Variants in PPEF1 observed in about 807,000 individuals in gnomAD.
The protein encoded by PPEF1 is serine/threonine-protein phosphatase with EF-hands 1.
A neutral mutation model predicts 53.3 loss-of-function variants in PPEF1; 12 were observed. The observed-to-expected ratio is 0.23, with a 90% CI of 0.14 to 0.36. PPEF1 has a LOEUF of 0.36. Among genes scored for constraint, PPEF1 ranks in the 10% least tolerant of loss-of-function variants. The pLI, the probability that PPEF1 is intolerant of heterozygous loss-of-function variation, is 1.00. For synonymous variants in PPEF1, 165 were observed against 176.7 expected, an observed-to-expected ratio of 0.93 and a Z score of 0.52; for missense variants, 334 against 490.4, an observed-to-expected ratio of 0.68 and a Z score of 3.01.
chrX:18,747,451 A>C (rs926311970), intron 3 of PPEF1, among the ~76,000 whole-genome samples: 3 of 112,072 alleles, frequency 2.7e-5, no homozygotes, highest in Middle Eastern at 4.6e-3. Flanking sequence ...GACTTTCTAA[A>C]TCAGGCATGC....
At chrX:18,755,134 A>G (rs944993252) in intron 4 of PPEF1, among the ~76,000 whole-genome samples, 1 of 112,031 alleles carries the variant, frequency 8.9e-6, no homozygotes, top group Admixed American at 9.5e-5. Context: ...GACTTTATAA[A>G]AATGAAAAGA....
chrX:18,817,068 ATGTG>A (rs72334387), intron 12 of PPEF1, among the ~76,000 whole-genome samples: 92 of 100,092 alleles, frequency 9.2e-4, no homozygotes, highest in South Asian at 5.4e-3. Flanking sequence ...TCATTTTGCC[ATGTG>A]TGTGTGTGTG....
At position 18,748,808 on chromosome X, in the gene PPEF1, G is replaced by A. The variant is rs190711434; in HGVS notation, c.236-984G>A. The stretch of plus-strand genomic sequence containing the variant: ...GGTAGTGGCATTGTTCCTAAAGAGT[G>A]CATGAAAGCATACAAGGCCTCCAGA... On this transcript the variant is annotated intron_variant, in intron 3 of 15. Coordinates refer to ENST00000470157, the MANE Select transcript of PPEF1 (RefSeq NM_001377996.1). 9.8e-5 allele frequency among the ~76,000 whole-genome samples: 11 copies of A among 111,719 alleles called. No homozygotes were observed. In the East Asian group the frequency reaches 2.8e-3, roughly 29 times the overall value.
intron 1 of PPEF1, among the ~76,000 whole-genome samples, chrX:18,683,947 AT>A (rs1040287202): frequency 8.9e-6 from 1 of 112,212 alleles, no homozygotes; most frequent in African/African-American, 3.2e-5. Context: ...AAAATCCCTC[AT>A]TTTTAATGCT....
chrX:18,699,088 T>A (rs1034908433), intron 5 of PPEF1, among the ~76,000 whole-genome samples: 8 of 110,814 alleles, frequency 7.2e-5, no homozygotes, highest in African/African-American at 9.8e-5. Flanking sequence ...TTGTCCACTA[T>A]TTTTTTTGGA....
intron 10 of PPEF1, among the ~76,000 whole-genome samples, chrX:18,797,043 C>T (rs762863362): frequency 1.8e-4 from 20 of 111,167 alleles, no homozygotes; most frequent in African/African-American, 6.2e-4. Flanking sequence ...AATAGAGATA[C>T]AGCATCTTGC....
chrX:18,742,581 A>G (rs1040969838), intron 3 of PPEF1, among the ~76,000 whole-genome samples: 1 of 111,375 alleles, frequency 9.0e-6, no homozygotes, highest in African/African-American at 3.3e-5. Flanking sequence ...CCTCTCGGCC[A>G]GGTGCAGTAA....
intron 6 of PPEF1, among the ~76,000 whole-genome samples, chrX:18,764,158 GA>G (rs1487172213): frequency 1.8e-5 from 2 of 111,250 alleles, no homozygotes; most frequent in South Asian, 3.8e-4. Context: ...CAGGGCAAGG[GA>G]TGCCCTGGGG....
Position 18,817,068 on chromosome X carries a change from A to ATATGTGTGTGTGTG in PPEF1, c.1395-970_1395-969insATGTGTGTGTGTGT, listed in dbSNP as rs1491253769. ...CTGGATTTACATCTATCATTTTGCC[A>ATATGTGTGTGTGTG]TGTGTGTGTGTGTGTGTGTGTGTGT... On this transcript the variant is annotated intron_variant, in intron 12 of 15. Coordinates refer to ENST00000470157, the MANE Select transcript of PPEF1 (RefSeq NM_001377996.1). 2.7e-3 allele frequency among the ~76,000 whole-genome samples: 267 copies of ATATGTGTGTGTGTG among 100,109 alleles called. 2 individuals are homozygous for ATATGTGTGTGTGTG. The highest frequency in any genetic ancestry group is 5.0e-3 in the Middle Eastern group (1 of 201). 86.9% of individuals were successfully genotyped at this position (100,109 alleles called of 115,157 possible).
chrX:18,724,524 G>A (rs6633130), intron 1 of PPEF1, among the ~76,000 whole-genome samples: 7,612 of 111,976 alleles, frequency 0.068, 654 homozygotes, highest in African/African-American at 0.23. Flanking sequence ...GCCACAGAAA[G>A]TTGGCCAGGT....
chrX:18,808,661 C>T (rs975826601), intron 12 of PPEF1, among the ~76,000 whole-genome samples: 1 of 110,811 alleles, frequency 9.0e-6, no homozygotes. Flanking sequence ...AGATGCTCAA[C>T]GTCACTAATT....
chrX:18,678,035 C>T (rs936040973), upstream of PPEF1, among the ~76,000 whole-genome samples: 14 of 101,422 alleles, frequency 1.4e-4, no homozygotes, highest in Admixed American at 5.6e-4. Context: ...GGGAGTGAGG[C>T]GGGCAGAATC....
rs887774129 is a variant in PPEF1 at position 18,722,283 on chromosome X, A to T, written c.47-7898A>T. Among the ~76,000 whole-genome samples, 10 of 112,337 alleles carry T rather than the reference A, an allele frequency of 8.9e-5. No individual in the cohort carries two copies. In the East Asian group the frequency reaches 2.8e-3, roughly 32 times the overall value. On this transcript the variant is annotated intron_variant, in intron 1 of 15. Coordinates refer to ENST00000470157, the MANE Select transcript of PPEF1 (RefSeq NM_001377996.1). Reference sequence around the variant, plus strand: ...TTCGCTTAAAGCCTTTTGCTATTAGAGGATTCATTTTCTTTCCAGTTCATT... The same window carrying T: ...TTCGCTTAAAGCCTTTTGCTATTAGTGGATTCATTTTCTTTCCAGTTCATT...
intron 10 of PPEF1, among the ~76,000 whole-genome samples, chrX:18,798,127 G>A (rs959229859): frequency 9.0e-6 from 1 of 110,748 alleles, no homozygotes; most frequent in Non-Finnish European, 1.9e-5. Flanking sequence ...TGTAGTCCAG[G>A]TGGGAATGCA....
At chrX:18,823,349 G>T (rs753867221) in intron 13 of PPEF1, among the ~76,000 whole-genome samples, 15 of 111,510 alleles carry the variant, frequency 1.3e-4, no homozygotes, top group Non-Finnish European at 2.8e-4. Flanking sequence ...CCTAGGCCGC[G>T]CATGGTGGCT....
intron 12 of PPEF1, among the ~76,000 whole-genome samples, chrX:18,812,668 AAC>A (rs987751921): frequency 2.7e-5 from 3 of 112,334 alleles, no homozygotes; most frequent in African/African-American, 9.7e-5. Flanking sequence ...TAATATTTTG[AAC>A]TTTTCAGTGT....
chrX:18,757,429 C>G (rs948343355), intron 4 of PPEF1, among the ~76,000 whole-genome samples, 198 bp from the exon 5 acceptor site: 1 of 110,883 alleles, frequency 9.0e-6, no homozygotes, highest in African/African-American at 3.3e-5. Context: ...GATTCATTTT[C>G]TCAGTTACAC....
intron 12 of PPEF1, among the ~76,000 whole-genome samples, chrX:18,814,636 C>G (rs996523136): frequency 1.2e-4 from 13 of 111,655 alleles, no homozygotes; most frequent in Non-Finnish European, 2.3e-4. Flanking sequence ...GCTTATAGGT[C>G]TTGTTTTGAG....
intron 4 of PPEF1, among the ~76,000 whole-genome samples, chrX:18,756,556 A>G (rs1473741992): frequency 8.9e-6 from 1 of 112,325 alleles, no homozygotes; most frequent in Non-Finnish European, 1.9e-5. Context: ...TGACTATTTT[A>G]TTCAAGTGGT....
Sources: allele counts gnomAD v4.1 joint callset (sites outside exome capture counted in the v4.1 genomes callset), GRCh38; gene constraint gnomAD v4.1.1; transcripts MANE v1.5; gene names NCBI Gene and HGNC (gene_info 2026-07-23, HGNC 2026-07-21).